COG5: variants seen among roughly 807,000 people sequenced by gnomAD.
COG5 encodes the protein component of oligomeric golgi complex 5.
COG5 carries 86 observed loss-of-function variants against 110.4 expected under a neutral mutation model. The ratio of observed to expected loss-of-function variants is 0.78; its 90% CI spans 0.65 to 0.93. COG5 has a LOEUF of 0.93. Ranked by LOEUF, COG5 falls within the 40% of genes least tolerant of loss-of-function variation. COG5 has a pLI of 0.00. For synonymous variants in COG5, 360 were observed against 334.6 expected, an observed-to-expected ratio of 1.08 and a Z score of -0.83; for missense variants, 1,077 against 987.0, an observed-to-expected ratio of 1.09 and a Z score of -1.22.
At chr7:107,328,528 T>C (rs1809965886) in intron 10 of COG5, among the ~76,000 whole-genome samples, 1 of 152,204 alleles carries the variant, frequency 6.6e-6, no homozygotes. Context: ...CACAAAAAGA[T>C]AAATGCTGCA....
chr7:107,291,421 C>A (rs1806161740), intron 12 of COG5, among the ~76,000 whole-genome samples: 1 of 152,118 alleles, frequency 6.6e-6, no homozygotes, highest in Admixed American at 6.6e-5. Flanking sequence ...GGGTACTGGT[C>A]CCCGCAGCTC....
chr7:107,343,649 C>A (rs113691475), intron 10 of COG5, among the ~76,000 whole-genome samples: 1 of 152,096 alleles, frequency 6.6e-6, no homozygotes, highest in Non-Finnish European at 1.5e-5. Context: ...CCACTGCACT[C>A]CCACGTAGAA....
chr7:107,274,477 T>C (rs1373482947), intron 14 of COG5, among the ~76,000 whole-genome samples: 1 of 152,130 alleles, frequency 6.6e-6, no homozygotes, highest in East Asian at 1.9e-4. Context: ...TGGTGAGACT[T>C]ACGGGAATAT....
chr7:107,363,480 A>G (rs541382310), intron 8 of COG5, among the ~76,000 whole-genome samples: 24 of 152,356 alleles, frequency 1.6e-4, no homozygotes, highest in Admixed American at 1.4e-3. Context: ...TGATTAAAAA[A>G]TAATTCATGA....
chr7:107,540,306 C>T (rs1003854162), intron 5 of COG5, among the ~76,000 whole-genome samples: 1 of 152,042 alleles, frequency 6.6e-6, no homozygotes, highest in Non-Finnish European at 1.5e-5. Flanking sequence ...TTAATGGTGG[C>T]TCATGCCTGC....
intron 11 of COG5, among the ~76,000 whole-genome samples, chr7:107,317,463 T>TA (rs1808861771): frequency 6.6e-6 from 1 of 152,198 alleles, no homozygotes; most frequent in South Asian, 2.1e-4. Flanking sequence ...AACATCCTGT[T>TA]ACATTCACAT....
At chr7:107,246,894 A>T (rs1191132677) in intron 17 of COG5, among the ~76,000 whole-genome samples, 1 of 152,230 alleles carries the variant, frequency 6.6e-6, no homozygotes, top group Admixed American at 6.5e-5. Context: ...AATATAAATC[A>T]TTCTACCATA....
At chr7:107,265,630 G>C (rs570586640) in intron 14 of COG5, among the ~76,000 whole-genome samples, 37 of 152,194 alleles carry the variant, frequency 2.4e-4, no homozygotes, top group African/African-American at 8.4e-4. Context: ...TCAGATTAAG[G>C]AATGTAAGAC....
intron 7 of COG5, among the ~76,000 whole-genome samples, chr7:107,407,788 T>C (rs957015038): frequency 6.6e-6 from 1 of 152,110 alleles, no homozygotes; most frequent in Non-Finnish European, 1.5e-5. Context: ...GTTCAAAGAA[T>C]ATTTAACATT....
At chr7:107,553,066 C>T (rs1392822543) in intron 3 of COG5, among the ~76,000 whole-genome samples, 1 of 152,060 alleles carries the variant, frequency 6.6e-6, no homozygotes, top group Admixed American at 6.6e-5. Context: ...ACATTGGGTA[C>T]TCATAGACCT....
chr7:107,522,051 G>A (rs987691744), intron 6 of COG5, among the ~76,000 whole-genome samples: 7 of 152,092 alleles, frequency 4.6e-5, no homozygotes, highest in African/African-American at 9.7e-5. Flanking sequence ...ATTCTCACTC[G>A]TAAATGGGAG....
intron 11 of COG5, among the ~76,000 whole-genome samples, chr7:107,311,918 T>A (rs547184487): frequency 5.9e-5 from 9 of 152,142 alleles, no homozygotes; most frequent in South Asian, 4.1e-4. Context: ...AATCAGAAAA[T>A]TTTCCCCCGA....
intron 10 of COG5, among the ~76,000 whole-genome samples, chr7:107,348,702 G>C (rs750281462): frequency 6.6e-6 from 1 of 151,958 alleles, no homozygotes; most frequent in Non-Finnish European, 1.5e-5. Context: ...TTGTTAACAC[G>C]AGACACATTT....
chr7:107,236,354 A>T, intron 18 of COG5, 96 bp downstream of exon 18: 2 of 930,048 alleles, frequency 2.2e-6, no homozygotes, highest in Non-Finnish European at 3.6e-6. Flanking sequence ...TTTGTGCTGC[A>T]ACTCTTTAAA....
At chr7:107,520,539 T>C (rs1800252259) in intron 6 of COG5, among the ~76,000 whole-genome samples, 1 of 151,944 alleles carries the variant, frequency 6.6e-6, no homozygotes, top group African/African-American at 2.4e-5. Context: ...GAACTCCCAC[T>C]CACAACTGCT....
intron 12 of COG5, among the ~76,000 whole-genome samples, chr7:107,293,260 T>A (rs978281552): frequency 6.6e-6 from 1 of 152,066 alleles, no homozygotes; most frequent in Non-Finnish European, 1.5e-5. Flanking sequence ...ATATGGGAGC[T>A]CCCTACTCCT....
chr7:107,330,107 A>G (rs890829011), intron 10 of COG5, among the ~76,000 whole-genome samples: 2 of 152,240 alleles, frequency 1.3e-5, no homozygotes, highest in South Asian at 2.1e-4. Flanking sequence ...ATATTTGACA[A>G]TGATCTATTT....
intron 11 of COG5, among the ~76,000 whole-genome samples, chr7:107,316,483 G>C (rs1243528464): frequency 6.6e-6 from 1 of 151,930 alleles, no homozygotes; most frequent in Non-Finnish European, 1.5e-5. Context: ...GATAAAGGAA[G>C]ACATGTGGAG....
Position 107,236,629 on chromosome 7 carries a change from G to A in COG5, c.1912C>T (p.Gln638Ter), listed in dbSNP as rs745619562. The change falls in exon 18 of 22, where the codon CAA becomes TAA. Residue 638 changes from glutamine to a stop codon, truncating the protein, a stop_gained. Coordinates refer to ENST00000297135, the MANE Select transcript of COG5 (RefSeq NM_006348.5). LOFTEE classifies it high-confidence loss of function. ...VPCSLYMKEL[Q>*]GFIARVMSDY... ...CTCATAACTCTGGCAATGAAACCTT[G>A]TAGCTCCTTCATGTACAGAGAACAA... The A allele has an allele frequency of 6.2e-7, 1 of 1,614,082 alleles. No homozygotes were observed. The highest frequency in any genetic ancestry group is 1.7e-5 in the Admixed American group (1 of 60,008).
Sources: allele counts gnomAD v4.1 joint callset (sites outside exome capture counted in the v4.1 genomes callset), GRCh38; gene constraint gnomAD v4.1.1; transcripts MANE v1.5; gene names NCBI Gene and HGNC (gene_info 2026-07-23, HGNC 2026-07-21).